PPP4R2: variants seen among roughly 807,000 people sequenced by gnomAD.
PPP4R2 encodes protein phosphatase 4 regulatory subunit 2.
A neutral mutation model predicts 47.2 loss-of-function variants in PPP4R2; 13 were observed. The ratio of observed to expected loss-of-function variants is 0.28; its 90% CI spans 0.18 to 0.44. PPP4R2 has a LOEUF of 0.44. Ranked by LOEUF, PPP4R2 falls within the 20% of genes least tolerant of loss-of-function variation. The pLI is 1.00. For synonymous variants in PPP4R2, 151 were observed against 163.3 expected (o/e 0.92, Z 0.57); for missense variants, 421 against 491.2 (o/e 0.86, Z 1.35).
chr3:73,029,565 G>A (rs1216971958), intron 2 of PPP4R2, among the ~76,000 whole-genome samples: 1 of 126,210 alleles, frequency 7.9e-6, no homozygotes, highest in African/African-American at 3.2e-5. Flanking sequence ...CATCACATCT[G>A]AGAGGTGAAA....
intron 2 of PPP4R2, among the ~76,000 whole-genome samples, chr3:73,018,673 C>G (rs954339070): frequency 2.0e-5 from 3 of 152,072 alleles, no homozygotes; most frequent in African/African-American, 7.2e-5. Flanking sequence ...TTTCACATTA[C>G]TTGAAGTTCA....
intron 2 of PPP4R2, among the ~76,000 whole-genome samples, chr3:73,046,246 T>C (rs1313618179): frequency 6.6e-6 from 1 of 152,226 alleles, no homozygotes; most frequent in Non-Finnish European, 1.5e-5. Context: ...ACAATAGCTT[T>C]GACCTCTTGG....
At chr3:73,014,761 G>T (rs993121765) in intron 2 of PPP4R2, among the ~76,000 whole-genome samples, 1 of 151,724 alleles carries the variant, frequency 6.6e-6, no homozygotes, top group Non-Finnish European at 1.5e-5. Context: ...AGATTTTTTG[G>T]CTAGACTAAA....
chr3:73,041,970 G>T (rs1424576454), intron 2 of PPP4R2, among the ~76,000 whole-genome samples: 1 of 152,180 alleles, frequency 6.6e-6, no homozygotes, highest in African/African-American at 2.4e-5. Flanking sequence ...ATTTATTAGA[G>T]ATATGAATTG....
intron 2 of PPP4R2, among the ~76,000 whole-genome samples, chr3:73,044,604 C>T (rs1702447563): frequency 6.6e-6 from 1 of 152,130 alleles, no homozygotes; most frequent in South Asian, 2.1e-4. Context: ...GTTTCAGTTT[C>T]TCTACATCCT....
intron 2 of PPP4R2, among the ~76,000 whole-genome samples, chr3:73,000,186 T>TA (rs1231100624): frequency 2.0e-5 from 3 of 152,140 alleles, no homozygotes; most frequent in Admixed American, 6.5e-5. Flanking sequence ...AAATTTAAGT[T>TA]ACCTGAGTGT....
At chr3:73,036,312 A>G (rs1414195213) in intron 2 of PPP4R2, among the ~76,000 whole-genome samples, 3 of 152,196 alleles carry the variant, frequency 2.0e-5, no homozygotes, top group Admixed American at 6.5e-5. Flanking sequence ...GATAAAAGGA[A>G]TAAGTTTTAG....
rs10659714 is a variant in PPP4R2 at position 73,045,526 on chromosome 3, A to ATTTTT, written c.117-1648_117-1644dup. ...AGAAAATGTCTACCACATTCTCCTA[A>ATTTTT]TTTTTTTTTTTTTTTTGGAAATGGA... On this transcript the variant is annotated intron_variant, in intron 2 of 8. Coordinates refer to ENST00000356692, the MANE Select transcript of PPP4R2 (RefSeq NM_174907.4). Among the ~76,000 whole-genome samples the ATTTTT allele has an allele frequency of 5.6e-3, 774 of 139,398 alleles. 12 individuals are homozygous for ATTTTT. Among genetic ancestry groups the ATTTTT allele is most frequent in the African/African-American group, 0.02 (738 of 37,046 alleles). 91.5% of individuals were successfully genotyped at this position (139,398 alleles called of 152,430 possible).
In PPP4R2 at chr3:73,064,034, C is replaced by T; in HGVS notation, c.526C>T (p.Pro176Ser). The change falls in exon 7 of 9, where the codon CCA (proline) becomes TCA (serine). Residue 176 changes from proline to serine, a missense_variant. Coordinates refer to ENST00000356692, the MANE Select transcript of PPP4R2 (RefSeq NM_174907.4). ...TATAAATGGGCCTGGGACACCCAGG[C>T]CACTTAATCGACCAAAGGTTTCTTT... Reference protein sequence around the residue: ...SNINGPGTPRPLNRPKVSLSA... With the variant: ...SNINGPGTPRSLNRPKVSLSA... The T allele has an allele frequency of 1.2e-6, 2 of 1,611,740 alleles. No individual in the cohort carries two copies. Among genetic ancestry groups the T allele is most frequent in the Non-Finnish European group, 1.7e-6 (2 of 1,179,428 alleles).
chr3:73,018,162 C>T (rs1353462042), intron 2 of PPP4R2, among the ~76,000 whole-genome samples: 1 of 152,040 alleles, frequency 6.6e-6, no homozygotes, highest in Non-Finnish European at 1.5e-5. Flanking sequence ...TACTTTTAGC[C>T]AGGCAGATAT....
intron 2 of PPP4R2, among the ~76,000 whole-genome samples, chr3:73,035,841 G>A (rs555647030): frequency 5.9e-4 from 89 of 152,044 alleles, no homozygotes; most frequent in Non-Finnish European, 1.1e-3. Flanking sequence ...GGCCAGGCTG[G>A]TCTTGAACTC....
In PPP4R2 at chr3:72,997,076, G is replaced by T. The variant is rs1701361125; in HGVS notation, c.34+5G>T. 1 of 1,395,388 alleles carries T rather than the reference G, an allele frequency of 7.2e-7. No individual in the cohort carries two copies. Among genetic ancestry groups the T allele is most frequent in the African/African-American group, 1.5e-5 (1 of 67,710 alleles). The allele number at this position is 1,395,388 out of a possible 1,614,324, so 86.4% of individuals were successfully genotyped here. On this transcript the variant is annotated splice_donor_5th_base_variant and intron_variant, in intron 1 of 8. Transcript: ENST00000356692. ...GGCTCCAGGAGGCGCTGAAAGGTGG[G>T]GGTAGCTGCCCCCTCTCCATTCCCC... is the stretch of plus-strand genomic sequence containing the variant.
chr3:73,049,292 A>G (rs1559563544), intron 3 of PPP4R2, among the ~76,000 whole-genome samples: 1 of 151,954 alleles, frequency 6.6e-6, no homozygotes, highest in Admixed American at 6.6e-5. Flanking sequence ...AGGTCAGGAG[A>G]TTGAGACCAT....
chr3:73,045,603 A>G (rs1304655982), intron 2 of PPP4R2, among the ~76,000 whole-genome samples: 1 of 148,292 alleles, frequency 6.7e-6, no homozygotes, highest in Non-Finnish European at 1.5e-5. Context: ...TCAGCTCACT[A>G]CAACCTCCAC....
At chr3:73,055,907 A>G (rs1189320783) in intron 3 of PPP4R2, among the ~76,000 whole-genome samples, 2 of 152,086 alleles carry the variant, frequency 1.3e-5, no homozygotes, top group Admixed American at 6.6e-5. Context: ...TGCCTGGCCC[A>G]GGGTTTTTTA....
intron 2 of PPP4R2, among the ~76,000 whole-genome samples, chr3:73,010,559 G>A (rs891929426): frequency 1.7e-5 from 2 of 118,706 alleles, no homozygotes; most frequent in South Asian, 3.2e-4. Flanking sequence ...TGTCTCTCTC[G>A]CTCTCTTTTT....
At chr3:73,008,890 G>A (rs1034669661) in intron 2 of PPP4R2, among the ~76,000 whole-genome samples, 1 of 152,184 alleles carries the variant, frequency 6.6e-6, no homozygotes, top group Admixed American at 6.6e-5. Context: ...ATTTCATCAC[G>A]TAGTTACTAT....
intron 2 of PPP4R2, among the ~76,000 whole-genome samples, chr3:73,004,871 T>TGTGTG (rs1491041581): frequency 4.1e-4 from 19 of 46,458 alleles, no homozygotes; most frequent in East Asian, 3.3e-3. Flanking sequence ...GTGTGTGTGT[T>TGTGTG]TGTTTGTTTG....
At chr3:73,021,966 G>T (rs1041742003) in intron 2 of PPP4R2, among the ~76,000 whole-genome samples, 2 of 145,708 alleles carry the variant, frequency 1.4e-5, no homozygotes, top group Non-Finnish European at 3.0e-5. Flanking sequence ...GCACAGTCTT[G>T]GCTCACTGTA....
Sources: allele counts gnomAD v4.1 joint callset (sites outside exome capture counted in the v4.1 genomes callset), GRCh38; gene constraint gnomAD v4.1.1; transcripts MANE v1.5; gene names NCBI Gene and HGNC (gene_info 2026-07-23, HGNC 2026-07-21).